Variants in SYNGR2 observed in about 807,000 individuals in gnomAD.
SYNGR2 encodes synaptogyrin-2.
SYNGR2 carries 11 observed loss-of-function variants against 18.7 expected under a neutral mutation model. The ratio of observed to expected loss-of-function variants is 0.59; its 90% CI spans 0.37 to 0.97. SYNGR2 has a LOEUF of 0.97. SYNGR2 is among the 50% of genes least tolerant of loss of function. The pLI, the probability that SYNGR2 is intolerant of heterozygous loss-of-function variation, is 0.01. For missense variants in SYNGR2, 253 were observed against 300.7 expected (o/e 0.84, Z 1.17); for synonymous variants, 127 against 131.0 (o/e 0.97, Z 0.21).
chr17:78,168,757 C>T (rs1349598670), intron 1 of SYNGR2, 42 bp downstream of exon 1: 3 of 1,185,406 alleles, frequency 2.5e-6, no homozygotes, highest in Non-Finnish European at 3.1e-6. Context: ...CTGGGGACCC[C>T]CTCTCCGTCG....
Position 78,169,280 on chromosome 17 carries a change from G to GT in SYNGR2, c.99+565_99+566insT, listed in dbSNP as rs1156435302. The stretch of plus-strand genomic sequence containing the variant: ...TTTGTGTGTGTGTGTGTGTGGCGGG[G>GT]AGGGGGCCTGTTCTTGGACAGCCAG... On this transcript the variant is annotated intron_variant, in intron 1 of 3. Transcript: ENST00000225777. The GT allele has an allele frequency of 1.3e-4, 18 of 143,794 alleles. No individual in the cohort carries two copies. The East Asian group carries it at 3.7e-3, about 29-fold the overall frequency. The allele number at this position is 143,794 out of a possible 1,614,324, so 8.9% of individuals were successfully genotyped here.
rs1206313045 is a variant in SYNGR2, at chr17:78,168,621, A to T, written c.5A>T (p.Glu2Val). 1.7e-6 allele frequency: 2 copies of T among 1,202,744 alleles called. No individual in the cohort carries two copies. Among genetic ancestry groups the T allele is most frequent in the African/African-American group, 1.6e-5 (1 of 63,260 alleles). 74.5% of individuals were successfully genotyped at this position (1,202,744 alleles called of 1,614,324 possible). A position where few individuals can be genotyped will look rare whatever the true frequency, so the allele number is the denominator to read the frequency against. The change falls in exon 1 of 4, where the codon GAG (glutamate) becomes GTG (valine). Residue 2 changes from glutamate (E) to valine (V), a missense_variant. By Grantham distance (121) the Glu-to-Val change is moderately radical (BLOSUM62 -2). Coordinates refer to ENST00000225777, the MANE Select transcript of SYNGR2 (RefSeq NM_004710.7). ...GGCAGCGGCGGCGACGGCGACATGGAGAGCGGGGCCTACGGCGCGGCCAAG... is the reference window on the plus strand; with the variant it reads ...GGCAGCGGCGGCGACGGCGACATGGTGAGCGGGGCCTACGGCGCGGCCAAG... M[E>V]SGAYGAAKAG...
At chr17:78,169,265 T>TGGGGGGGGGGGGGG (rs1199152774) in intron 1 of SYNGR2, 1 of 69,054 alleles carries the variant, frequency 1.4e-5, no homozygotes, top group African/African-American at 1.8e-4. Flanking sequence ...TTTGTGTGTG[T>TGGGGGGGGGGGGGG]GTGTGTGTGG....
At chr17:78,169,377 G>T (rs1008477503) in intron 1 of SYNGR2, 6 of 152,304 alleles carry the variant, frequency 3.9e-5, no homozygotes, top group African/African-American at 1.4e-4. Flanking sequence ...CCATGCCTGG[G>T]CCTGGAGCTT....
rs766184011 is a variant in SYNGR2, at chr17:78,171,992, T to C, written c.*56T>C. The C allele has an allele frequency of 5.6e-6, 9 of 1,603,560 alleles. No homozygotes were observed. Among genetic ancestry groups the C allele is most frequent in the Non-Finnish European group, 7.6e-6 (9 of 1,179,068 alleles). On this transcript the variant is annotated 3_prime_UTR_variant, in exon 4 of 4. Transcript: ENST00000225777. This position sits in a 1 kb window ranked among gnomAD's most constrained non-coding sequence, Gnocchi z 6.6. Reference sequence around the variant, plus strand: ...AGGGCCCTCCCCTCTGCCCTGGACTTTCCCATGAGCCTCCTGGAACTGCCA... The same window carrying C: ...AGGGCCCTCCCCTCTGCCCTGGACTCTCCCATGAGCCTCCTGGAACTGCCA...
chr17:78,168,763 C>T (rs1315063052), intron 1 of SYNGR2, 48 bp downstream of exon 1: 1 of 1,181,012 alleles, frequency 8.5e-7, no homozygotes, highest in Non-Finnish European at 1.0e-6. Flanking sequence ...ACCCCCTCTC[C>T]GTCGCCAGGC....
chr17:78,171,548 C>T lies in SYNGR2; in HGVS notation c.376C>T (p.Leu126Phe), dbSNP rs375094687. 6 of 1,530,450 alleles carry T rather than the reference C, an allele frequency of 3.9e-6. No individual in the cohort carries two copies. Among genetic ancestry groups the T allele is most frequent in the Non-Finnish European group, 5.3e-6 (6 of 1,139,184 alleles). The allele number at this position is 1,530,450 out of a possible 1,614,324, so 94.8% of individuals were successfully genotyped here. A position where few individuals can be genotyped will look rare whatever the true frequency, so the allele number is the denominator to read the frequency against. ...CCTGTGGTTTGTTGGTTTCTGCTTC[C>T]TCACCAACCAGTGGGCAGTCACCAA... Reference protein sequence around the residue: ...TFLWFVGFCFLTNQWAVTNPK... With the variant: ...TFLWFVGFCFFTNQWAVTNPK... The change falls in exon 3 of 4, where the codon CTC becomes TTC. Residue 126 changes from leucine (L) to phenylalanine (F), a missense_variant. By Grantham distance (22) the Leu-to-Phe change is conservative (BLOSUM62 0). Transcript: ENST00000225777. This position sits in a 1 kb window ranked among gnomAD's most constrained non-coding sequence, Gnocchi z 6.6.
At chr17:78,168,805 G>C (rs1256407823) in intron 1 of SYNGR2, 90 bp downstream of exon 1, 7 of 1,102,030 alleles carry the variant, frequency 6.4e-6, no homozygotes, top group Non-Finnish European at 7.9e-6. Flanking sequence ...GAGCGCGACA[G>C]GTGGCGGCGG....
Position 78,171,974 on chromosome 17 carries a change from T to C in SYNGR2, c.*38T>C, listed in dbSNP as rs768750404. 6.2e-7 allele frequency: 1 copy of C among 1,607,370 alleles called. No individual in the cohort carries two copies. The highest frequency in any genetic ancestry group is 1.7e-5 in the Admixed American group (1 of 59,966). On this transcript the variant is annotated 3_prime_UTR_variant, in exon 4 of 4. Coordinates refer to ENST00000225777, the MANE Select transcript of SYNGR2 (RefSeq NM_004710.7). The surrounding 1 kb of genome is among the most constrained non-coding windows in gnomAD (Gnocchi z 6.6). The stretch of plus-strand genomic sequence containing the variant: ...GTGGGAAGGGGGACAGAGAGGGCCC[T>C]CCCCTCTGCCCTGGACTTTCCCATG...
Position 78,168,590 on chromosome 17 carries a change from GGCGGCGGCA to G in SYNGR2, c.-18_-10del, listed in dbSNP as rs892994303. 1 of 1,171,550 alleles carries G rather than the reference GGCGGCGGCA, an allele frequency of 8.5e-7. No individual in the cohort carries two copies. The highest frequency in any genetic ancestry group is 1.6e-5 in the African/African-American group (1 of 62,372). The allele number at this position is 1,171,550 out of a possible 1,614,324, so 72.6% of individuals were successfully genotyped here. ...CCGGGCAGGTTCCTCTGCGTTCCGC[GGCGGCGGCA>G]GCGGCGGCGACGGCGACATGGAGAG... On this transcript the variant is annotated 5_prime_UTR_variant, in exon 1 of 4. Transcript: ENST00000225777.
Position 78,171,285 on chromosome 17 carries a change from G to A in SYNGR2, c.338-225G>A. 1 of 668,800 alleles carries A rather than the reference G, an allele frequency of 1.5e-6. No homozygotes were observed. Among genetic ancestry groups the A allele is most frequent in the East Asian group, 2.7e-5 (1 of 36,612 alleles). The allele number at this position is 668,800 out of a possible 1,614,324, so 41.4% of individuals were successfully genotyped here. A position where few individuals can be genotyped will look rare whatever the true frequency, so the allele number is the denominator to read the frequency against. ...CAGCACACCCGAGCAGATGGGCTTT[G>A]CCTCTGCCCCTTTTGTCCCCTAGGC... On this transcript the variant is annotated intron_variant, in intron 2 of 3. Coordinates refer to ENST00000225777, the MANE Select transcript of SYNGR2 (RefSeq NM_004710.7). This position sits in a 1 kb window ranked among gnomAD's most constrained non-coding sequence, Gnocchi z 6.6.
rs774919003 is a variant in SYNGR2 at position 78,170,731 on chromosome 17, C to T, written c.100-86C>T. 4 of 1,144,074 alleles carry T rather than the reference C, an allele frequency of 3.5e-6. No individual in the cohort carries two copies. In the South Asian group the frequency reaches 4.0e-5, roughly 11 times the overall value. The allele number at this position is 1,144,074 out of a possible 1,614,324, so 70.9% of individuals were successfully genotyped here. On this transcript the variant is annotated intron_variant, in intron 1 of 3. Coordinates refer to ENST00000225777, the MANE Select transcript of SYNGR2 (RefSeq NM_004710.7). ...AAGGGGACAGCAGTAGTGGGAGAGG[C>T]CAGCATCTGTACACCCCATCAGGGT...
At chr17:78,170,665 A>G (rs1485825604) in intron 1 of SYNGR2, 152 bp from the exon 2 acceptor site, 1 of 706,438 alleles carries the variant, frequency 1.4e-6, no homozygotes, top group African/African-American at 1.8e-5. Context: ...AGCCTGGGCA[A>G]CAAGAGCAAG....
rs1293969806 is a variant in SYNGR2 at position 78,168,594 on chromosome 17, G to GCGGCAGCGGCGGCGA, written c.-18_-4dup. On this transcript the variant is annotated 5_prime_UTR_variant, in exon 1 of 4. Transcript: ENST00000225777. Reference sequence around the variant, plus strand: ...GCAGGTTCCTCTGCGTTCCGCGGCGGCGGCAGCGGCGGCGACGGCGACATG... The same window carrying GCGGCAGCGGCGGCGA: ...GCAGGTTCCTCTGCGTTCCGCGGCGGCGGCAGCGGCGGCGACGGCAGCGGCGGCGACGGCGACATG... 2 of 1,182,010 alleles carry GCGGCAGCGGCGGCGA rather than the reference G, an allele frequency of 1.7e-6. No homozygotes were observed. The highest frequency in any genetic ancestry group is 1.1e-6 in the Non-Finnish European group (1 of 951,852). 73.2% of individuals were successfully genotyped at this position (1,182,010 alleles called of 1,614,324 possible).
Position 78,171,104 on chromosome 17 carries a change from A to C in SYNGR2, c.337+50A>C. On this transcript the variant is annotated intron_variant, in intron 2 of 3. Coordinates refer to ENST00000225777, the MANE Select transcript of SYNGR2 (RefSeq NM_004710.7). This position sits in a 1 kb window ranked among gnomAD's most constrained non-coding sequence, Gnocchi z 6.6. Reference sequence around the variant, plus strand: ...TGATCTTGGGGGAGGCATTAACTCTAGGGTTCCGCAGCTGGGAGGGTCTCG... The same window carrying C: ...TGATCTTGGGGGAGGCATTAACTCTCGGGTTCCGCAGCTGGGAGGGTCTCG... 1 of 1,561,448 alleles carries C rather than the reference A, an allele frequency of 6.4e-7. No individual in the cohort carries two copies. The highest frequency in any genetic ancestry group is 8.8e-7 in the Non-Finnish European group (1 of 1,139,884).
chr17:78,171,219 C>A lies in SYNGR2; in HGVS notation c.337+165C>A. The A allele has an allele frequency of 1.4e-6, 1 of 733,980 alleles. No individual in the cohort carries two copies. The highest frequency in any genetic ancestry group is 2.2e-6 in the Non-Finnish European group (1 of 453,384). The allele number at this position is 733,980 out of a possible 1,614,324, so 45.5% of individuals were successfully genotyped here. ...CTAGTGTTTTTCCGTGCTTGAATGG[C>A]ACCAGCCCTGCCTGGGGTAGCTAGA... is the stretch of plus-strand genomic sequence containing the variant. On this transcript the variant is annotated intron_variant, in intron 2 of 3. Transcript: ENST00000225777. The surrounding 1 kb of genome is among the most constrained non-coding windows in gnomAD (Gnocchi z 6.6).
chr17:78,171,714 G>A lies in SYNGR2; in HGVS notation c.478-25G>A, dbSNP rs1277360205. ...GGAGGGTGGGGTCCCCCACCCACCT[G>A]TACCCTGCTGTGCTCCCCCTGCAGG... On this transcript the variant is annotated intron_variant, in intron 3 of 3. Coordinates refer to ENST00000225777, the MANE Select transcript of SYNGR2 (RefSeq NM_004710.7). This position sits in a 1 kb window ranked among gnomAD's most constrained non-coding sequence, Gnocchi z 6.6. 1 of 1,613,904 alleles carries A rather than the reference G, an allele frequency of 6.2e-7. No homozygotes were observed. Among genetic ancestry groups the A allele is most frequent in the East Asian group, 2.2e-5 (1 of 44,844 alleles).
chr17:78,168,846 C>T (rs2145812960), intron 1 of SYNGR2, 131 bp downstream of exon 1: 3 of 728,044 alleles, frequency 4.1e-6, no homozygotes, highest in African/African-American at 1.9e-5. Context: ...CGAGCGGGGC[C>T]GGCGTCCAGC....
In SYNGR2 at chr17:78,172,209, G is replaced by A. The variant is rs567300571; in HGVS notation, c.*273G>A. On this transcript the variant is annotated 3_prime_UTR_variant, in exon 4 of 4. Transcript: ENST00000225777. ...TTTTTCCTCGCTTTTAATGACCTCAGCCCCGCCTGCAGTGGCTAGAAGCCA... is the reference window on the plus strand; with the variant it reads ...TTTTTCCTCGCTTTTAATGACCTCAACCCCGCCTGCAGTGGCTAGAAGCCA... The A allele has an allele frequency of 4.8e-5, 34 of 706,688 alleles. 1 individual carries two copies. The African/African-American group carries it at 6.1e-4, about 13-fold the overall frequency. The allele number at this position is 706,688 out of a possible 1,614,324, so 43.8% of individuals were successfully genotyped here. A position where few individuals can be genotyped will look rare whatever the true frequency, so the allele number is the denominator to read the frequency against.
Sources: gnomAD v4.1 joint callset for allele counts on GRCh38, gnomAD v4.1.1 for gene constraint, Gnocchi (gnomAD v3.1) non-coding constraint, MANE v1.5 for transcripts, NCBI Gene and HGNC (gene_info 2026-07-23, HGNC 2026-07-21) for gene names.